HNRNPDL: variants seen among roughly 807,000 people sequenced by gnomAD.
The protein encoded by HNRNPDL is heterogeneous nuclear ribonucleoprotein D like.
Under a neutral mutation model 48.0 loss-of-function variants are expected in HNRNPDL, and 18 were observed. The observed-to-expected ratio is 0.38, with a 90% confidence interval of 0.26 to 0.56. HNRNPDL has a LOEUF of 0.56. Ranked by LOEUF, HNRNPDL falls within the 20% of genes least tolerant of loss-of-function variation. The pLI, the probability that HNRNPDL is intolerant of heterozygous loss-of-function variation, is 0.77. For synonymous variants in HNRNPDL, 306 were observed against 207.3 expected, an observed-to-expected ratio of 1.48 and a Z score of -4.09; for missense variants, 553 against 540.7, an observed-to-expected ratio of 1.02 and a Z score of -0.23.
Position 82,422,941 on chromosome 4 carries a change from C to G in HNRNPDL, c.*1965G>C, listed in dbSNP as rs560443083. On this transcript the variant is annotated 3_prime_UTR_variant, in exon 8 of 8. Coordinates refer to ENST00000295470, the MANE Select transcript of HNRNPDL (RefSeq NM_031372.4). Reference sequence around the variant, plus strand: ...TTTGTTCTAAATTAATCCTTGGGAACGAGATCTTGATAGTAGCTTCAGTTC... The same window carrying G: ...TTTGTTCTAAATTAATCCTTGGGAAGGAGATCTTGATAGTAGCTTCAGTTC... 1 of 152,318 alleles carries G rather than the reference C, an allele frequency of 6.6e-6. No individual in the cohort carries two copies. The highest frequency in any genetic ancestry group is 1.9e-4 in the East Asian group (1 of 5,190). 9.4% of individuals were successfully genotyped at this position (152,318 alleles called of 1,614,324 possible). A position where few individuals can be genotyped will look rare whatever the true frequency, so the allele number is the denominator to read the frequency against.
Position 82,423,733 on chromosome 4 carries a change from A to G in HNRNPDL, c.*1173T>C, listed in dbSNP as rs930457666. The G allele has an allele frequency of 1.3e-5, 2 of 152,180 alleles. No individual in the cohort carries two copies. The highest frequency in any genetic ancestry group is 4.8e-5 in the African/African-American group (2 of 41,434). 9.4% of individuals were successfully genotyped at this position (152,180 alleles called of 1,614,324 possible). Reference sequence around the variant, plus strand: ...AGGTCCTCTGAAACCTGGATATAAAACGGATTCTTTTCAATGCACCCAGAG... The same window carrying G: ...AGGTCCTCTGAAACCTGGATATAAAGCGGATTCTTTTCAATGCACCCAGAG... On this transcript the variant is annotated 3_prime_UTR_variant, in exon 8 of 8. Transcript: ENST00000295470.
chr4:82,427,900 T>G (rs1578084541), intron 3 of HNRNPDL, 118 bp downstream of exon 3: 2 of 992,422 alleles, frequency 2.0e-6, no homozygotes, highest in Non-Finnish European at 3.0e-6. Flanking sequence ...GGAAGCGACT[T>G]GAGCAGTCAT....
In HNRNPDL at chr4:82,427,160, C is replaced by A. The variant is rs781073121; in HGVS notation, c.1021+30G>T. 3.6e-6 allele frequency: 5 copies of A among 1,375,110 alleles called. No individual in the cohort carries two copies. The African/African-American group carries it at 7.1e-5, about 20-fold the overall frequency. The allele number at this position is 1,375,110 out of a possible 1,614,324, so 85.2% of individuals were successfully genotyped here. ...AGCAGTATACAGCTTAAATAAACCA[C>A]GGAGTCATATTTCAAGAATTAAGTC... On this transcript the variant is annotated intron_variant, in intron 5 of 7. Transcript: ENST00000295470.
rs1721240982 is a variant in HNRNPDL at position 82,422,900 on chromosome 4, A to C, written c.*2006T>G. 6.6e-6 allele frequency: 1 copy of C among 152,212 alleles called. No individual in the cohort carries two copies. Among genetic ancestry groups the C allele is most frequent in the Admixed American group, 6.5e-5 (1 of 15,284 alleles). The allele number at this position is 152,212 out of a possible 1,614,324, so 9.4% of individuals were successfully genotyped here. A position where few individuals can be genotyped will look rare whatever the true frequency, so the allele number is the denominator to read the frequency against. ...AATTCATTTCTATCCCCTCCCCAAT[A>C]AACTTGTCCAATTACTTTGTTCTAA... is the stretch of plus-strand genomic sequence containing the variant. On this transcript the variant is annotated 3_prime_UTR_variant, in exon 8 of 8. Transcript: ENST00000295470.
intron 7 of HNRNPDL, 25 bp downstream of exon 7, chr4:82,426,012 T>C: frequency 3.7e-6 from 5 of 1,346,224 alleles, no homozygotes; most frequent in Non-Finnish European, 2.1e-6. Flanking sequence ...ACATTTCTAC[T>C]GTTTTCCTGT....
intron 3 of HNRNPDL, 63 bp downstream of exon 3, chr4:82,427,955 C>T (rs1437525272): frequency 2.0e-6 from 3 of 1,490,182 alleles, no homozygotes; most frequent in African/African-American, 1.4e-5. Context: ...CTGCATAAAT[C>T]GGACAAGGAT....
In HNRNPDL at chr4:82,423,048, TAAATCTAGAGTTCAAAGCCC is replaced by T. The variant is rs137931240; in HGVS notation, c.*1838_*1857del. On this transcript the variant is annotated 3_prime_UTR_variant, in exon 8 of 8. Transcript: ENST00000295470. Reference sequence around the variant, plus strand: ...AACTGATAGACCCTGAAATCTGAATTAAATCTAGAGTTCAAAGCCCAAATCTAGAGTTCAAAGCCCCTGCA... The same window carrying T: ...AACTGATAGACCCTGAAATCTGAATTAAATCTAGAGTTCAAAGCCCCTGCA... 0.89 allele frequency: 134,992 copies of T among 151,692 alleles called. 61,185 individuals carry two copies. Among genetic ancestry groups the T allele is most frequent in the East Asian group, 1 (5,144 of 5,158 alleles). The allele number at this position is 151,692 out of a possible 1,614,324, so 9.4% of individuals were successfully genotyped here. A position where few individuals can be genotyped will look rare whatever the true frequency, so the allele number is the denominator to read the frequency against.
Position 82,423,183 on chromosome 4 carries a change from T to C in HNRNPDL, c.*1723A>G, listed in dbSNP as rs755186869. 1.3e-5 allele frequency: 2 copies of C among 152,244 alleles called. No individual in the cohort carries two copies. The highest frequency in any genetic ancestry group is 2.1e-4 in the South Asian group (1 of 4,828). 9.4% of individuals were successfully genotyped at this position (152,244 alleles called of 1,614,324 possible). Reference sequence around the variant, plus strand: ...GTGTATTTTTTCTCAGTCATACATATCAAGACTTGATTAAAAGTTTGGATT... The same window carrying C: ...GTGTATTTTTTCTCAGTCATACATACCAAGACTTGATTAAAAGTTTGGATT... On this transcript the variant is annotated 3_prime_UTR_variant, in exon 8 of 8. Transcript: ENST00000295470.
chr4:82,425,082 A>T lies in HNRNPDL; in HGVS notation c.*23-199T>A, dbSNP rs568334988. The stretch of plus-strand genomic sequence containing the variant: ...CCCAAATGACATTAAATTCAAATCT[A>T]TTCAGGAAAGAATCTGGGAATACAA... On this transcript the variant is annotated intron_variant, in intron 7 of 7. Transcript: ENST00000295470. 2.0e-5 allele frequency: 3 copies of T among 152,350 alleles called. No homozygotes were observed. In the East Asian group the frequency reaches 5.8e-4, roughly 29 times the overall value. The allele number at this position is 152,350 out of a possible 1,614,324, so 9.4% of individuals were successfully genotyped here.
chr4:82,429,031 C>T (rs1329071435), intron 1 of HNRNPDL, among the ~76,000 whole-genome samples: 3 of 152,144 alleles, frequency 2.0e-5, no homozygotes, highest in African/African-American at 4.8e-5. Flanking sequence ...CCGCCGCCCT[C>T]CTCCTCCAAC....
intron 3 of HNRNPDL, among the ~76,000 whole-genome samples, chr4:82,427,780 G>A (rs572433101): frequency 6.6e-6 from 1 of 152,292 alleles, no homozygotes; most frequent in East Asian, 1.9e-4. Flanking sequence ...ACCCAAAGAT[G>A]CCACTAGTTA....
At chr4:82,426,819 G>A (rs960588311) in intron 5 of HNRNPDL, among the ~76,000 whole-genome samples, 186 bp from the exon 6 acceptor site, 2 of 152,174 alleles carry the variant, frequency 1.3e-5, no homozygotes, top group African/African-American at 2.4e-5. Context: ...AATTGTGCCA[G>A]TATCAAACTT....
At chr4:82,425,926 A>C (rs1013553828) in intron 7 of HNRNPDL, 111 bp downstream of exon 7, 4 of 711,704 alleles carry the variant, frequency 5.6e-6, no homozygotes, top group Non-Finnish European at 9.5e-6. Flanking sequence ...TAAAAAATCA[A>C]CAATTTAGTA....
chr4:82,424,847 T>C lies in HNRNPDL; in HGVS notation c.*59A>G, dbSNP rs1368524797. The C allele has an allele frequency of 6.6e-6, 1 of 152,242 alleles. No individual in the cohort carries two copies. Among genetic ancestry groups the C allele is most frequent in the East Asian group, 1.9e-4 (1 of 5,198 alleles). 9.4% of individuals were successfully genotyped at this position (152,242 alleles called of 1,614,324 possible). A position where few individuals can be genotyped will look rare whatever the true frequency, so the allele number is the denominator to read the frequency against. ...AGATCAACAGAAGACCAATCTTCAA[T>C]GTCGTCCTGCAAGATGGGTTACTTT... On this transcript the variant is annotated 3_prime_UTR_variant, in exon 8 of 8. Coordinates refer to ENST00000295470, the MANE Select transcript of HNRNPDL (RefSeq NM_031372.4).
intron 6 of HNRNPDL, 124 bp downstream of exon 6, chr4:82,426,339 G>C (rs1578083187): frequency 1.1e-6 from 1 of 914,870 alleles, no homozygotes; most frequent in East Asian, 2.5e-5. Context: ...ATTGTAACAT[G>C]CCTCAAACAC....
Position 82,429,416 on chromosome 4 carries a change from G to C in HNRNPDL, c.275C>G (p.Ser92Cys). ...GGCGGCGGAGCGTTGTATGGAGCTG[G>C]ATTTAAAATGGCGGCGGAAGAGATC... ...RPDLFRRHFK[S>C]SSIQRSAAAA... The change falls in exon 1 of 8, where the codon TCC becomes TGC. Residue 92 changes from serine to cysteine, a missense_variant. Transcript: ENST00000295470. The C allele has an allele frequency of 6.2e-7, 1 of 1,613,246 alleles. No homozygotes were observed. The highest frequency in any genetic ancestry group is 8.5e-7 in the Non-Finnish European group (1 of 1,179,738).
intron 7 of HNRNPDL, chr4:82,425,793 A>G (rs1560456562): frequency 2.2e-6 from 1 of 463,282 alleles, no homozygotes; most frequent in Non-Finnish European, 3.8e-6. Flanking sequence ...CCTCTAGACC[A>G]CCTGGTACAC....
chr4:82,428,766 G>A (rs1721532026), intron 1 of HNRNPDL, among the ~76,000 whole-genome samples: 1 of 152,190 alleles, frequency 6.6e-6, no homozygotes, highest in Non-Finnish European at 1.5e-5. Flanking sequence ...TCTTACTTAG[G>A]TCCATCTTCG....
Position 82,423,579 on chromosome 4 carries a change from G to A in HNRNPDL, c.*1327C>T, listed in dbSNP as rs1165571271. The A allele has an allele frequency of 6.6e-6, 1 of 151,888 alleles. No homozygotes were observed. The highest frequency in any genetic ancestry group is 2.4e-5 in the African/African-American group (1 of 41,428). The allele number at this position is 151,888 out of a possible 1,614,324, so 9.4% of individuals were successfully genotyped here. A position where few individuals can be genotyped will look rare whatever the true frequency, so the allele number is the denominator to read the frequency against. On this transcript the variant is annotated 3_prime_UTR_variant, in exon 8 of 8. Coordinates refer to ENST00000295470, the MANE Select transcript of HNRNPDL (RefSeq NM_031372.4). ...CATAAGAAACTTACCAGTTTTGTGA[G>A]ATCACCCGTTGTGTGAGATCAACTA...
Sources: gnomAD v4.1 joint callset for allele counts (sites outside exome capture counted in the v4.1 genomes callset) on GRCh38, gnomAD v4.1.1 for gene constraint, MANE v1.5 for transcripts, NCBI Gene and HGNC (gene_info 2026-07-23, HGNC 2026-07-21) for gene names.